The following GKAP1 variants were observed in gnomAD, a reference collection of about 807,000 sequenced individuals.
GKAP1 encodes the protein G kinase anchoring protein 1.
A neutral mutation model predicts 56.7 loss-of-function variants in GKAP1; 31 were observed. The observed-to-expected ratio is 0.55, with a 90% CI of 0.41 to 0.74. The LOEUF (loss-of-function observed/expected upper bound fraction) is 0.74. Ranked by LOEUF, GKAP1 falls within the 30% of genes least tolerant of loss-of-function variation. GKAP1 has a pLI of 0.00. For synonymous variants in GKAP1, 151 were observed against 138.6 expected (o/e 1.09, Z -0.63); for missense variants, 364 against 402.3 (o/e 0.90, Z 0.82).
chr9:83,742,025 G>C lies in GKAP1; in HGVS notation c.980C>G (p.Thr327Ser). 1 of 1,583,502 alleles carries C rather than the reference G, an allele frequency of 6.3e-7. No homozygotes were observed. The highest frequency in any genetic ancestry group is 1.9e-5 in the Admixed American group (1 of 52,324). ...TTGTTCTAATGCAGCATGAAGTGAA[G>C]TCACCTATAACCAAATATTCAATAA... ...SIKNELTIQV[T>S]SLHAALEQER... is the part of the protein sequence containing the mutation. Residue 327 changes from threonine to serine, a missense_variant, in exon 12 of 13, where the codon ACT becomes AGT. Transcript: ENST00000376371.
In GKAP1 at chr9:83,780,412, T is replaced by C. The variant is rs189435010; in HGVS notation, c.563-8A>G. 3.6e-4 allele frequency: 387 copies of C among 1,086,890 alleles called. 1 individual carries two copies. The African/African-American group carries it at 6.8e-3, about 19-fold the overall frequency. The allele number at this position is 1,086,890 out of a possible 1,614,324, so 67.3% of individuals were successfully genotyped here. A position where few individuals can be genotyped will look rare whatever the true frequency, so the allele number is the denominator to read the frequency against. On this transcript the variant is annotated splice_polypyrimidine_tract_variant and splice_region_variant and intron_variant, in intron 6 of 12. Coordinates refer to ENST00000376371, the MANE Select transcript of GKAP1 (RefSeq NM_025211.4). ...TCTTTTTACTAATGTGATCTGTAAA[T>C]GAAAAAGAAACAAAGATGAAACTTT...
At chr9:83,774,361 G>T (rs997043132) in intron 7 of GKAP1, among the ~76,000 whole-genome samples, 26 of 151,652 alleles carry the variant, frequency 1.7e-4, no homozygotes, top group Non-Finnish European at 3.4e-4. Context: ...CAGCACTTTG[G>T]GAGGTCAAGG....
chr9:83,744,872 G>A (rs1943266246), intron 10 of GKAP1, among the ~76,000 whole-genome samples: 1 of 152,192 alleles, frequency 6.6e-6, no homozygotes, highest in Admixed American at 6.5e-5. Context: ...GAGAGAATAA[G>A]TGCTGAGCAA....
chr9:83,809,175 A>C (rs1165171472), intron 2 of GKAP1, among the ~76,000 whole-genome samples: 1 of 152,242 alleles, frequency 6.6e-6, no homozygotes, highest in African/African-American at 2.4e-5. Context: ...TTAAATGTTC[A>C]TAAATGTCTA....
At chr9:83,753,825 A>T (rs1943433056) in intron 8 of GKAP1, among the ~76,000 whole-genome samples, 1 of 152,148 alleles carries the variant, frequency 6.6e-6, no homozygotes, top group South Asian at 2.1e-4. Flanking sequence ...CAGAACAATA[A>T]AACTAGGAAG....
intron 8 of GKAP1, among the ~76,000 whole-genome samples, chr9:83,756,751 C>A (rs1451141460): frequency 6.6e-6 from 1 of 152,102 alleles, no homozygotes; most frequent in African/African-American, 2.4e-5. Context: ...CAAATGAGAT[C>A]ATGCATTTTA....
chr9:83,753,749 T>TA (rs1182610878), intron 8 of GKAP1, among the ~76,000 whole-genome samples: 1 of 152,148 alleles, frequency 6.6e-6, no homozygotes, highest in Non-Finnish European at 1.5e-5. Flanking sequence ...TTCACTGTAT[T>TA]AGCAATTAAC....
chr9:83,759,550 A>G (rs975611003), intron 8 of GKAP1, among the ~76,000 whole-genome samples: 7 of 152,194 alleles, frequency 4.6e-5, no homozygotes, highest in African/African-American at 1.7e-4. Flanking sequence ...GTTGCTATGT[A>G]TAACTACAAC....
At chr9:83,753,442 AG>A in intron 8 of GKAP1, 83 bp from the exon 9 acceptor site, 1 of 936,780 alleles carries the variant, frequency 1.1e-6, no homozygotes, top group Non-Finnish European at 1.7e-6. Flanking sequence ...AAAGTTTAAG[AG>A]GAAAAATTCT....
At chr9:83,759,965 AT>A (rs1190647482) in intron 8 of GKAP1, among the ~76,000 whole-genome samples, 2 of 152,188 alleles carry the variant, frequency 1.3e-5, no homozygotes, top group African/African-American at 2.4e-5. Flanking sequence ...TCAAATTTAT[AT>A]TACATTCCTC....
intron 6 of GKAP1, among the ~76,000 whole-genome samples, chr9:83,783,215 AATTCAT>A (rs1298144224): frequency 6.6e-6 from 1 of 152,220 alleles, no homozygotes; most frequent in Non-Finnish European, 1.5e-5. Flanking sequence ...ACTAAGGCTG[AATTCAT>A]ATGAGTCAAA....
chr9:83,794,439 C>T (rs1944210584), intron 4 of GKAP1, among the ~76,000 whole-genome samples: 1 of 152,130 alleles, frequency 6.6e-6, no homozygotes, highest in African/African-American at 2.4e-5. Flanking sequence ...ACCAGCCACA[C>T]AGTTAATGAT....
intron 10 of GKAP1, among the ~76,000 whole-genome samples, chr9:83,746,316 G>A (rs984406508): frequency 1.3e-5 from 2 of 152,112 alleles, no homozygotes; most frequent in Non-Finnish European, 2.9e-5. Context: ...ACATCCCGAG[G>A]ACACCAAAAT....
Position 83,739,587 on chromosome 9 carries a change from T to G in GKAP1, c.*110A>C. On this transcript the variant is annotated 3_prime_UTR_variant, in exon 13 of 13. Coordinates refer to ENST00000376371, the MANE Select transcript of GKAP1 (RefSeq NM_025211.4). ...CCATTAGGGAGCTAGTTGCTTTTAG[T>G]TCCTTCAAGAAAAACTGCATAGTTT... 1 of 717,764 alleles carries G rather than the reference T, an allele frequency of 1.4e-6. No individual in the cohort carries two copies. The allele number at this position is 717,764 out of a possible 1,614,324, so 44.5% of individuals were successfully genotyped here.
chr9:83,805,577 T>G (rs1043869763), intron 3 of GKAP1, among the ~76,000 whole-genome samples: 2 of 152,102 alleles, frequency 1.3e-5, no homozygotes, highest in Non-Finnish European at 2.9e-5. Flanking sequence ...CATGGTTAAT[T>G]TTTTTTAAAA....
intron 4 of GKAP1, among the ~76,000 whole-genome samples, chr9:83,792,219 T>C (rs1170030674): frequency 2.0e-5 from 3 of 152,170 alleles, no homozygotes; most frequent in Admixed American, 1.3e-4. Flanking sequence ...CCTAGCACAG[T>C]TCCTGGCATA....
intron 12 of GKAP1, among the ~76,000 whole-genome samples, chr9:83,740,378 A>G (rs1943186480): frequency 6.6e-6 from 1 of 152,192 alleles, no homozygotes; most frequent in Non-Finnish European, 1.5e-5. Flanking sequence ...ATAACATAAC[A>G]TAACATAACA....
intron 3 of GKAP1, among the ~76,000 whole-genome samples, chr9:83,804,659 C>A (rs1421243440): frequency 2.8e-5 from 4 of 145,420 alleles, no homozygotes; most frequent in East Asian, 2.1e-4. Flanking sequence ...GCCGCCCCGT[C>A]CGGGAGGGAG....
chr9:83,747,733 T>A (rs1011210784), intron 10 of GKAP1, among the ~76,000 whole-genome samples: 1 of 151,668 alleles, frequency 6.6e-6, no homozygotes, highest in East Asian at 1.9e-4. Flanking sequence ...GCCTCCTGAG[T>A]TCAAACAATT....
Sources: allele counts gnomAD v4.1 joint callset (sites outside exome capture counted in the v4.1 genomes callset), GRCh38; gene constraint gnomAD v4.1.1; transcripts MANE v1.5; gene names NCBI Gene and HGNC (gene_info 2026-07-23, HGNC 2026-07-21).